The following RASGRP3 variants were observed in gnomAD, a reference collection of about 807,000 sequenced individuals.
RASGRP3 encodes RAS guanyl releasing protein 3, also known as ras guanyl-releasing protein 3.
Under a neutral mutation model 82.7 loss-of-function variants are expected in RASGRP3, and 54 were observed. That is an observed-to-expected ratio of 0.65 (90% confidence interval 0.52 to 0.82). RASGRP3 has a LOEUF of 0.82. Ranked by LOEUF, RASGRP3 falls within the 40% of genes least tolerant of loss-of-function variation. RASGRP3 has a pLI of 0.00. For synonymous variants in RASGRP3, 309 were observed against 300.5 expected (o/e 1.03, Z -0.29); for missense variants, 861 against 828.9 (o/e 1.04, Z -0.48).
intron 1 of RASGRP3, among the ~76,000 whole-genome samples, chr2:33,510,580 T>C (rs1670836627): frequency 6.6e-6 from 1 of 152,224 alleles, no homozygotes; most frequent in Admixed American, 6.5e-5. Context: ...CTTTCGCTTC[T>C]ACAAATTGGT....
In RASGRP3 at chr2:33,562,824, A is replaced by AAGTT. The variant is rs1255650131; in HGVS notation, c.*89_*92dup. ...TCTGAAGAAAGCTCTGACTCTCAGG[A>AAGTT]AGTTATCTGGAAAGATACCTGGATG... On this transcript the variant is annotated 3_prime_UTR_variant, in exon 18 of 18. Coordinates refer to ENST00000403687, the MANE Select transcript of RASGRP3 (RefSeq NM_001139488.2). 5.9e-6 allele frequency: 9 copies of AAGTT among 1,516,808 alleles called. No homozygotes were observed. The East Asian group carries it at 1.4e-4, about 23-fold the overall frequency. 94.0% of individuals were successfully genotyped at this position (1,516,808 alleles called of 1,614,324 possible). A position where few individuals can be genotyped will look rare whatever the true frequency, so the allele number is the denominator to read the frequency against.
intron 12 of RASGRP3, 43 bp from the exon 13 acceptor site, chr2:33,543,469 C>T (rs200211290): frequency 7.8e-7 from 1 of 1,275,162 alleles, no homozygotes; most frequent in Non-Finnish European, 1.1e-6. Context: ...AGTTCAGAGC[C>T]TGCCTTATAG....
chr2:33,439,598 G>A (rs770087757), intron 1 of RASGRP3, among the ~76,000 whole-genome samples: 1 of 152,298 alleles, frequency 6.6e-6, no homozygotes, highest in East Asian at 1.9e-4. Flanking sequence ...CTACTTATAC[G>A]AAAATAGTAT....
At position 33,521,276 on chromosome 2, in the gene RASGRP3, AG is replaced by A. The variant is rs573947273; in HGVS notation, c.368+594del. ...CAGTTATTAGGTAACCGGTGCAATT[AG>A]GCCACTTTCATATCAACTAGGTAAC... On this transcript the variant is annotated intron_variant, in intron 6 of 17. Coordinates refer to ENST00000403687, the MANE Select transcript of RASGRP3 (RefSeq NM_001139488.2). 3.4e-3 allele frequency among the ~76,000 whole-genome samples: 522 copies of A among 152,342 alleles called. 2 individuals are homozygous for A. The highest frequency in any genetic ancestry group is 0.012 in the African/African-American group (497 of 41,580).
At chr2:33,498,079 G>A (rs2150972970) in intron 1 of RASGRP3, among the ~76,000 whole-genome samples, 1 of 152,036 alleles carries the variant, frequency 6.6e-6, no homozygotes, top group East Asian at 1.9e-4. Flanking sequence ...AAATGTATGT[G>A]GCTTATGAAT....
chr2:33,472,374 C>T (rs1029953928), upstream of RASGRP3, among the ~76,000 whole-genome samples: 1 of 152,156 alleles, frequency 6.6e-6, no homozygotes, highest in South Asian at 2.1e-4. Context: ...TACAAAGTTG[C>T]CTACGATGGC....
At chr2:33,488,065 A>G (rs1235278959) in intron 1 of RASGRP3, among the ~76,000 whole-genome samples, 3 of 152,238 alleles carry the variant, frequency 2.0e-5, no homozygotes, top group Admixed American at 2.0e-4. Flanking sequence ...AAAAGCCGTG[A>G]TTCAAGAAAG....
intron 1 of RASGRP3, among the ~76,000 whole-genome samples, chr2:33,487,370 A>G (rs1173637955): frequency 2.0e-5 from 3 of 152,248 alleles, no homozygotes; most frequent in Non-Finnish European, 4.4e-5. Context: ...TTGAACAAAG[A>G]CAATGATAAT....
At chr2:33,482,878 T>C (rs1668060545) in intron 1 of RASGRP3, 1 of 152,222 alleles carries the variant, frequency 6.6e-6, no homozygotes, top group Admixed American at 6.5e-5. Context: ...AAAGTAACTT[T>C]TTCTGAGTAT....
At chr2:33,473,638 G>C (rs574962189), upstream of RASGRP3, among the ~76,000 whole-genome samples, 1 of 152,244 alleles carries the variant, frequency 6.6e-6, no homozygotes, top group African/African-American at 2.4e-5. Flanking sequence ...AGAAAGATGG[G>C]ATCTCCCCCA....
intron 2 of RASGRP3, among the ~76,000 whole-genome samples, chr2:33,512,697 A>G (rs546504842): frequency 1.3e-5 from 2 of 152,232 alleles, no homozygotes; most frequent in Admixed American, 6.5e-5. Flanking sequence ...CTCATATTCA[A>G]TGACAAACCT....
chr2:33,456,840 A>G (rs966854150), intron 2 of RASGRP3, among the ~76,000 whole-genome samples: 1 of 152,038 alleles, frequency 6.6e-6, no homozygotes, highest in Admixed American at 6.6e-5. Flanking sequence ...TAGCTTCTAC[A>G]CAAAAGTAAC....
intron 2 of RASGRP3, among the ~76,000 whole-genome samples, chr2:33,467,567 A>G (rs1380625183): frequency 3.3e-5 from 5 of 152,226 alleles, no homozygotes; most frequent in Non-Finnish European, 5.9e-5. Flanking sequence ...AAAGTCTCCT[A>G]AAAGGAAAGG....
chr2:33,438,822 T>C (rs1245096060), intron 1 of RASGRP3, among the ~76,000 whole-genome samples: 3 of 151,846 alleles, frequency 2.0e-5, no homozygotes, highest in Non-Finnish European at 4.4e-5. Context: ...TACATAATAA[T>C]AGAGCCAACC....
intron 1 of RASGRP3, among the ~76,000 whole-genome samples, chr2:33,442,250 G>A (rs1049295589): frequency 2.0e-5 from 3 of 152,226 alleles, no homozygotes; most frequent in Admixed American, 1.3e-4. Context: ...TGTAGTCCCA[G>A]CTACTCAGGA....
chr2:33,527,197 G>A lies in RASGRP3; in HGVS notation c.868G>A (p.Ala290Thr), dbSNP rs762202577. 5 of 1,614,030 alleles carry A rather than the reference G, an allele frequency of 3.1e-6. No homozygotes were observed. The highest frequency in any genetic ancestry group is 4.2e-6 in the Non-Finnish European group (5 of 1,179,890). ...CGGCAATTACTGCAATTACCGCAAG[G>A]CCTTTGCCGACTGCGATGGCTTCAA... ...SNGNYCNYRKAFADCDGFKIP... is the reference protein window; with the variant it reads ...SNGNYCNYRKTFADCDGFKIP... Residue 290 changes from alanine (A) to threonine (T), a missense_variant, in exon 10 of 18, where the codon GCC becomes ACC. Physicochemically the swap from Ala to Thr is moderately conservative, Grantham distance 58. Coordinates refer to ENST00000403687, the MANE Select transcript of RASGRP3 (RefSeq NM_001139488.2).
intron 1 of RASGRP3, among the ~76,000 whole-genome samples, chr2:33,499,824 G>A (rs545445927): frequency 6.6e-6 from 1 of 151,956 alleles, no homozygotes; most frequent in South Asian, 2.1e-4. Flanking sequence ...AATTTGAAGT[G>A]TACAGACCAT....
chr2:33,443,700 T>G (rs1177960025), intron 1 of RASGRP3, among the ~76,000 whole-genome samples: 6 of 133,902 alleles, frequency 4.5e-5, no homozygotes, highest in African/African-American at 1.7e-4. Flanking sequence ...CATAGTGAGA[T>G]CCTGTCTCTA....
chr2:33,547,518 G>C lies in RASGRP3; in HGVS notation c.1395-2086G>C, dbSNP rs148734042. On this transcript the variant is annotated intron_variant, in intron 13 of 17. Transcript: ENST00000403687. ...ACAGTAATAGGGAAGCCTGGGCAGG[G>C]AGTACAGGGAAGAAAGAGATGAAGT... Among the ~76,000 whole-genome samples, 267 of 152,122 alleles carry C rather than the reference G, an allele frequency of 1.8e-3. 2 individuals carry two copies. Among genetic ancestry groups the C allele is most frequent in the African/African-American group, 6.2e-3 (259 of 41,470 alleles).
Sources: allele counts gnomAD v4.1 joint callset (sites outside exome capture counted in the v4.1 genomes callset), GRCh38; gene constraint gnomAD v4.1.1; transcripts MANE v1.5; gene names NCBI Gene and HGNC (gene_info 2026-07-23, HGNC 2026-07-21).